Variants in BRD3 observed in about 807,000 individuals in gnomAD.
The protein encoded by BRD3 is bromodomain containing 3, also known as bromodomain-containing protein 3.
Under a neutral mutation model 66.8 loss-of-function variants are expected in BRD3, and 17 were observed. The observed-to-expected ratio is 0.25, with a 90% CI of 0.17 to 0.38. The LOEUF is 0.38. Ranked by LOEUF, BRD3 falls within the 10% of genes least tolerant of loss-of-function variation. The pLI, the probability that BRD3 is intolerant of heterozygous loss-of-function variation, is 1.00. For missense variants in BRD3, 713 were observed against 956.1 expected (o/e 0.75, Z 3.35); for synonymous variants, 421 against 393.2 (o/e 1.07, Z -0.84).
chr9:134,048,741 G>C (rs1830229643), intron 5 of BRD3, among the ~76,000 whole-genome samples: 1 of 152,294 alleles, frequency 6.6e-6, no homozygotes, highest in South Asian at 2.1e-4. Flanking sequence ...GGGCTCAGGG[G>C]TCCCGGGTGG....
rs191453539 is a variant in BRD3 at position 134,043,191 on chromosome 9, G to C, written c.1216-1240C>G. On this transcript the variant is annotated intron_variant, in intron 7 of 11. Transcript: ENST00000303407. ...CTGCTCTGTTGCCCAGGCTGGTCTT[G>C]AACCCCTGAGCTCAAGTGATCCTCC... 4.4e-3 allele frequency among the ~76,000 whole-genome samples: 670 copies of C among 151,956 alleles called. 5 individuals carry two copies. Among genetic ancestry groups the C allele is most frequent in the African/African-American group, 0.016 (643 of 41,432 alleles).
At chr9:134,051,177 G>A (rs761129951) in intron 4 of BRD3, among the ~76,000 whole-genome samples, 4 of 152,206 alleles carry the variant, frequency 2.6e-5, no homozygotes, top group Non-Finnish European at 5.9e-5. Flanking sequence ...AGGTCACAGA[G>A]AATCAAATGA....
At chr9:134,042,473 A>G (rs1345088028) in intron 7 of BRD3, among the ~76,000 whole-genome samples, 2 of 152,102 alleles carry the variant, frequency 1.3e-5, no homozygotes, top group Non-Finnish European at 2.9e-5. Context: ...CTTTATTTAC[A>G]AAAAAATATA....
In BRD3 at chr9:134,035,889, A is replaced by T. The variant is rs1588271758; in HGVS notation, c.1936+143T>A. ...GGGTGAGCACAGATATCCTCAGGGC[A>T]TCTGTGGTGGGACGAAGGAGCCAAG... On this transcript the variant is annotated intron_variant, in intron 10 of 11. Coordinates refer to ENST00000303407, the MANE Select transcript of BRD3 (RefSeq NM_007371.4). 22 of 1,180,640 alleles carry T rather than the reference A, an allele frequency of 1.9e-5. No homozygotes were observed. The East Asian group carries it at 5.7e-4, about 30-fold the overall frequency. 73.1% of individuals were successfully genotyped at this position (1,180,640 alleles called of 1,614,324 possible).
rs759836434 is a variant in BRD3 at position 134,034,870 on chromosome 9, C to T, written c.1937-41G>A. 9 of 1,607,276 alleles carry T rather than the reference C, an allele frequency of 5.6e-6. 1 individual carries two copies. Among genetic ancestry groups the T allele is most frequent in the East Asian group, 2.2e-5 (1 of 44,864 alleles). ...TGGGCACTCAGACTGCAGAGCAGAC[C>T]GATGGGGCAGGAGCCAGGGCTGCAT... On this transcript the variant is annotated intron_variant, in intron 10 of 11. Transcript: ENST00000303407.
chr9:134,033,271 T>C lies in BRD3; in HGVS notation c.*319A>G. Reference sequence around the variant, plus strand: ...ACCAGGTTGGGCCTAAGCAAAGGGATTCCACAAGGTTCTTCGGTACGAATC... The same window carrying C: ...ACCAGGTTGGGCCTAAGCAAAGGGACTCCACAAGGTTCTTCGGTACGAATC... On this transcript the variant is annotated 3_prime_UTR_variant, in exon 12 of 12. Transcript: ENST00000303407. The surrounding 1 kb of genome is among the most constrained non-coding windows in gnomAD (Gnocchi z 5.1). 1 of 418,582 alleles carries C rather than the reference T, an allele frequency of 2.4e-6. No individual in the cohort carries two copies. Among genetic ancestry groups the C allele is most frequent in the Non-Finnish European group, 4.2e-6 (1 of 237,994 alleles). 25.9% of individuals were successfully genotyped at this position (418,582 alleles called of 1,614,324 possible).
chr9:134,048,619 T>C (rs1285294793), intron 5 of BRD3, among the ~76,000 whole-genome samples, 165 bp from the exon 6 acceptor site: 1 of 152,194 alleles, frequency 6.6e-6, no homozygotes, highest in African/African-American at 2.4e-5. Context: ...GCCATGTCAC[T>C]GGCCCAAGGT....
In BRD3 at chr9:134,048,405, G is replaced by A. The variant is rs140391716; in HGVS notation, c.764C>T (p.Ala255Val). 31,815 of 1,598,588 alleles carry A rather than the reference G, an allele frequency of 0.02. 405 individuals are homozygous for A. The highest frequency in any genetic ancestry group is 0.024 in the Non-Finnish European group (28,709 of 1,179,896). ...KADTTTPTTSAITASRSESPP... is the reference protein window; with the variant it reads ...KADTTTPTTSVITASRSESPP... ...CGACTCACTCCGGCTGGCAGTGATG[G>A]CCGACGTCGTGGGAGTGGTTGTGTC... The change falls in exon 6 of 12, where the codon GCC becomes GTC. Residue 255 changes from alanine (A) to valine (V), a missense_variant. By Grantham distance (64) the Ala-to-Val change is moderately conservative (BLOSUM62 0). This residue lies in a region of BRD3 where 418 missense variants were observed against 609.3 expected (regional missense o/e 0.69). Coordinates refer to ENST00000303407, the MANE Select transcript of BRD3 (RefSeq NM_007371.4).
At chr9:134,056,512 G>A in intron 1 of BRD3, 1 of 152,412 alleles carries the variant, frequency 6.6e-6, no homozygotes. Flanking sequence ...ATGATAAGTG[G>A]CCCTGCCTCC....
chr9:134,062,458 CCT>C (rs1830564413), intron 1 of BRD3, among the ~76,000 whole-genome samples: 1 of 152,194 alleles, frequency 6.6e-6, no homozygotes, highest in African/African-American at 2.4e-5. Flanking sequence ...AGACCTAAGA[CCT>C]CATATGCCTC....
intron 9 of BRD3, among the ~76,000 whole-genome samples, chr9:134,039,368 A>G (rs1829991809): frequency 6.6e-6 from 1 of 152,178 alleles, no homozygotes; most frequent in African/African-American, 2.4e-5. Flanking sequence ...AGTGGTGCCA[A>G]CTTTGCCCTC....
intron 1 of BRD3, among the ~76,000 whole-genome samples, chr9:134,060,591 C>T (rs1830516325): frequency 7.8e-6 from 1 of 128,836 alleles, no homozygotes; most frequent in Non-Finnish European, 1.6e-5. Context: ...GACCCTGACA[C>T]ACACACACAC....
In BRD3 at chr9:134,033,023, G is replaced by A. The variant is rs1416878426; in HGVS notation, c.*567C>T. 1.8e-5 allele frequency: 7 copies of A among 397,806 alleles called. No individual in the cohort carries two copies. Among genetic ancestry groups the A allele is most frequent in the South Asian group, 1.4e-4 (1 of 7,060 alleles). The allele number at this position is 397,806 out of a possible 1,614,324, so 24.6% of individuals were successfully genotyped here. A position where few individuals can be genotyped will look rare whatever the true frequency, so the allele number is the denominator to read the frequency against. ...CCACCCCCCAAGGGCTCCACGCTCC[G>A]GGCTGGGGCTGCGATGACCCTTCGC... On this transcript the variant is annotated 3_prime_UTR_variant, in exon 12 of 12. Coordinates refer to ENST00000303407, the MANE Select transcript of BRD3 (RefSeq NM_007371.4). This position sits in a 1 kb window ranked among gnomAD's most constrained non-coding sequence, Gnocchi z 5.1.
At chr9:134,061,858 C>T (rs1047780385) in intron 1 of BRD3, among the ~76,000 whole-genome samples, 3 of 152,180 alleles carry the variant, frequency 2.0e-5, no homozygotes, top group Non-Finnish European at 2.9e-5. Context: ...GTGCTGTGAT[C>T]GGCTGTGGCA....
At chr9:134,042,393 C>T (rs1830069473) in intron 7 of BRD3, among the ~76,000 whole-genome samples, 1 of 152,222 alleles carries the variant, frequency 6.6e-6, no homozygotes, top group African/African-American at 2.4e-5. Flanking sequence ...GAACTGACTG[C>T]AGCATCACAT....
chr9:134,052,016 G>A (rs1343065906), intron 3 of BRD3, among the ~76,000 whole-genome samples: 4 of 151,342 alleles, frequency 2.6e-5, no homozygotes, highest in African/African-American at 7.3e-5. Context: ...TTAGCCTTCC[G>A]AGTAGCTGGG....
chr9:134,056,496 G>A (rs777105321), intron 1 of BRD3, among the ~76,000 whole-genome samples: 6 of 152,188 alleles, frequency 3.9e-5, no homozygotes, highest in African/African-American at 7.2e-5. Context: ...AGGACAACAC[G>A]ATGCCATGAT....
At chr9:134,043,077 G>C (rs544035907) in intron 7 of BRD3, among the ~76,000 whole-genome samples, 1 of 152,142 alleles carries the variant, frequency 6.6e-6, no homozygotes. Flanking sequence ...CTGACCTCGT[G>C]ATCTGCCTGC....
intron 6 of BRD3, 79 bp downstream of exon 6, chr9:134,048,004 T>C (rs956287898): frequency 6.9e-7 from 1 of 1,446,728 alleles, no homozygotes; most frequent in African/African-American, 1.4e-5. Context: ...CAGCCCCCAC[T>C]CAGCCGGCAC....
Sources: gnomAD v4.1 joint callset for allele counts (sites outside exome capture counted in the v4.1 genomes callset) on GRCh38, gnomAD v4.1.1 for gene constraint, gnomAD v4.1.1 regional missense constraint, Gnocchi (gnomAD v3.1) non-coding constraint, MANE v1.5 for transcripts, NCBI Gene and HGNC (gene_info 2026-07-23, HGNC 2026-07-21) for gene names.